The following GPC5 variants were observed in gnomAD, a reference collection of about 807,000 sequenced individuals.
The protein encoded by GPC5 is glypican-5.
GPC5 carries 47 observed loss-of-function variants against 53.9 expected under a neutral mutation model. The observed-to-expected ratio is 0.87, with a 90% CI of 0.69 to 1.11. The LOEUF is 1.11. Ranked by LOEUF, GPC5 falls within the 50% of genes most tolerant of loss-of-function variation. GPC5 has a pLI of 0.00. For missense variants in GPC5, 748 were observed against 713.1 expected (o/e 1.05, Z -0.56); for synonymous variants, 286 against 263.3 (o/e 1.09, Z -0.84).
chr13:92,216,920 A>G (rs1018114360), intron 7 of GPC5, among the ~76,000 whole-genome samples: 1 of 150,860 alleles, frequency 6.6e-6, no homozygotes, highest in Non-Finnish European at 1.5e-5. Context: ...TGGAGGTTCC[A>G]GTGAGCTGAG....
chr13:92,475,628 T>C (rs2139426765), intron 7 of GPC5, among the ~76,000 whole-genome samples: 1 of 152,274 alleles, frequency 6.6e-6, no homozygotes, highest in South Asian at 2.1e-4. Flanking sequence ...ACTACCTGAC[T>C]TCAAACTATA....
chr13:91,572,000 TATATATGC>T (rs1336396808), intron 2 of GPC5, among the ~76,000 whole-genome samples: 1 of 144,810 alleles, frequency 6.9e-6, no homozygotes, highest in Non-Finnish European at 1.5e-5. Context: ...TGTATATGTG[TATATATGC>T]ATATATGCAT....
At chr13:91,759,505 A>C (rs1486717524) in intron 5 of GPC5, among the ~76,000 whole-genome samples, 1 of 152,092 alleles carries the variant, frequency 6.6e-6, no homozygotes, top group Non-Finnish European at 1.5e-5. Flanking sequence ...CCTATTAATT[A>C]TCCCCATTAC....
intron 7 of GPC5, among the ~76,000 whole-genome samples, chr13:92,534,688 C>T (rs9523708): frequency 0.43 from 65,112 of 151,916 alleles, 14,642 homozygotes; most frequent in African/African-American, 0.56. Flanking sequence ...ATTTTCTCTT[C>T]ACTCAAAAAG....
chr13:91,705,720 A>G (rs1375679582), intron 3 of GPC5, among the ~76,000 whole-genome samples: 1 of 137,778 alleles, frequency 7.3e-6, no homozygotes, highest in Non-Finnish European at 1.6e-5. Context: ...TCCAAATGAC[A>G]TGTAGTTATA....
intron 7 of GPC5, among the ~76,000 whole-genome samples, chr13:92,213,527 T>G (rs1392728811): frequency 6.6e-6 from 1 of 152,186 alleles, no homozygotes; most frequent in African/African-American, 2.4e-5. Context: ...CTGAGGAATT[T>G]AAAACTTCTG....
intron 7 of GPC5, among the ~76,000 whole-genome samples, chr13:92,511,382 A>T (rs1880557688): frequency 6.6e-6 from 1 of 152,084 alleles, no homozygotes; most frequent in Non-Finnish European, 1.5e-5. Context: ...GTATATTTTA[A>T]TTATGCTTTC....
chr13:92,654,866 C>A (rs12865160), intron 7 of GPC5, among the ~76,000 whole-genome samples: 4 of 151,694 alleles, frequency 2.6e-5, no homozygotes, highest in Non-Finnish European at 5.9e-5. Context: ...AAAGTTAAGA[C>A]GAATTTACAC....
chr13:92,608,408 G>A (rs1884326522), intron 7 of GPC5, among the ~76,000 whole-genome samples: 1 of 152,150 alleles, frequency 6.6e-6, no homozygotes, highest in East Asian at 1.9e-4. Flanking sequence ...TTGTCTAGGA[G>A]TACTTTATTG....
chr13:92,833,031 A>G (rs1377477625), intron 7 of GPC5, among the ~76,000 whole-genome samples: 1 of 152,154 alleles, frequency 6.6e-6, no homozygotes, highest in Non-Finnish European at 1.5e-5. Context: ...AAACAAAAAA[A>G]TACCCACAAT....
chr13:91,446,827 A>C (rs1880840197), intron 1 of GPC5, among the ~76,000 whole-genome samples: 1 of 152,216 alleles, frequency 6.6e-6, no homozygotes, highest in African/African-American at 2.4e-5. Context: ...CTTATCTTAT[A>C]GGCGATACTG....
At chr13:92,535,812 G>A (rs1479985681) in intron 7 of GPC5, among the ~76,000 whole-genome samples, 2 of 151,968 alleles carry the variant, frequency 1.3e-5, no homozygotes, top group Non-Finnish European at 2.9e-5. Flanking sequence ...TTGTATATTA[G>A]AAATGGAAAC....
intron 7 of GPC5, among the ~76,000 whole-genome samples, chr13:92,695,442 C>G (rs754079915): frequency 2.6e-4 from 40 of 151,982 alleles, no homozygotes; most frequent in Admixed American, 9.8e-4. Context: ...TTTGATTAGC[C>G]TTTTCTATGG....
intron 7 of GPC5, among the ~76,000 whole-genome samples, chr13:92,671,163 C>A (rs1429447392): frequency 6.6e-6 from 1 of 152,084 alleles, no homozygotes; most frequent in Non-Finnish European, 1.5e-5. Context: ...TATTTTCTGT[C>A]CTGTGCATGT....
At chr13:92,432,094 G>A (rs921709663) in intron 7 of GPC5, among the ~76,000 whole-genome samples, 1 of 152,152 alleles carries the variant, frequency 6.6e-6, no homozygotes, top group Non-Finnish European at 1.5e-5. Flanking sequence ...AGGCTCTCAA[G>A]ATGGAATTGG....
At chr13:91,956,688 G>A (rs1257501983) in intron 6 of GPC5, among the ~76,000 whole-genome samples, 5 of 152,138 alleles carry the variant, frequency 3.3e-5, no homozygotes, top group African/African-American at 1.2e-4. Context: ...AGGCACTAAG[G>A]AAATCAGAGA....
chr13:91,756,168 T>C (rs926573886), intron 4 of GPC5, 127 bp from the exon 5 acceptor site: 1 of 569,814 alleles, frequency 1.8e-6, no homozygotes, highest in Admixed American at 4.2e-5. Context: ...AAAAATTATA[T>C]TCTAAACATT....
At chr13:91,926,027 G>A (rs954999771) in intron 6 of GPC5, among the ~76,000 whole-genome samples, 1 of 152,064 alleles carries the variant, frequency 6.6e-6, no homozygotes, top group African/African-American at 2.4e-5. Context: ...ATGGCACCTT[G>A]GTAGCCATCA....
intron 2 of GPC5, among the ~76,000 whole-genome samples, chr13:91,615,114 T>C (rs1440529938): frequency 1.3e-5 from 2 of 152,166 alleles, no homozygotes; most frequent in African/African-American, 2.4e-5. Context: ...AACTGCACAA[T>C]GATGGGTTTT....
Sources: gnomAD v4.1 joint callset for allele counts (sites outside exome capture counted in the v4.1 genomes callset) on GRCh38, gnomAD v4.1.1 for gene constraint, MANE v1.5 for transcripts, NCBI Gene and HGNC (gene_info 2026-07-23, HGNC 2026-07-21) for gene names.